SLCO2B1: variants seen among roughly 807,000 people sequenced by gnomAD.
SLCO2B1 encodes solute carrier organic anion transporter family member 2B1, also known as OATP-RP2.
SLCO2B1 carries 41 observed loss-of-function variants against 67.3 expected under a neutral mutation model. That is an observed-to-expected ratio of 0.61 (90% CI 0.47 to 0.79). The LOEUF is 0.79. SLCO2B1 is among the 30% of genes least tolerant of loss of function. The pLI is 0.00. For synonymous variants in SLCO2B1, 379 were observed against 381.4 expected (o/e 0.99, Z 0.07); for missense variants, 837 against 920.1 (o/e 0.91, Z 1.17).
chr11:75,190,232 T>C (rs1944997952), intron 8 of SLCO2B1, among the ~76,000 whole-genome samples: 1 of 152,236 alleles, frequency 6.6e-6, no homozygotes, highest in Non-Finnish European at 1.5e-5. Context: ...CTAGGCCAGA[T>C]TGTCTCTGGT....
Position 75,193,543 on chromosome 11 carries a change from C to A in SLCO2B1, c.1401C>A (p.Ser467Arg). The A allele has an allele frequency of 6.4e-7, 1 of 1,570,356 alleles. No individual in the cohort carries two copies. Among genetic ancestry groups the A allele is most frequent in the South Asian group, 1.2e-5 (1 of 84,008 alleles). ...SLPLFFIGCS[S>R]HQIAGITHQT... The stretch of plus-strand genomic sequence containing the variant: ...CGCTCTTCTTTATCGGCTGCTCCAG[C>A]CACCAGATTGCGGGCATCACACACC... The change falls in exon 9 of 14, where the codon AGC (serine) becomes AGA (arginine). Residue 467 changes from serine (S) to arginine (R), a missense_variant. Coordinates refer to ENST00000289575, the MANE Select transcript of SLCO2B1 (RefSeq NM_007256.5). The surrounding 1 kb of genome is among the most constrained non-coding windows in gnomAD (Gnocchi z 4.2).
intron 7 of SLCO2B1, among the ~76,000 whole-genome samples, chr11:75,178,548 C>T (rs941182358): frequency 6.6e-6 from 1 of 152,092 alleles, no homozygotes; most frequent in African/African-American, 2.4e-5. Context: ...TATGGTGGAA[C>T]ATGATGTTTT....
chr11:75,187,094 T>G (rs563255168), intron 7 of SLCO2B1, among the ~76,000 whole-genome samples: 21 of 152,368 alleles, frequency 1.4e-4, no homozygotes, highest in African/African-American at 5.0e-4. Context: ...TTTTGACTCT[T>G]ATTTCCTTCT....
intron 1 of SLCO2B1, among the ~76,000 whole-genome samples, chr11:75,157,397 A>G (rs1469690370): frequency 6.6e-6 from 1 of 152,166 alleles, no homozygotes; most frequent in Middle Eastern, 3.2e-3. Flanking sequence ...CATCCTCAGG[A>G]GATGCTTTCT....
At chr11:75,192,409 C>T (rs547967788) in intron 8 of SLCO2B1, among the ~76,000 whole-genome samples, 3 of 152,114 alleles carry the variant, frequency 2.0e-5, no homozygotes, top group East Asian at 1.9e-4. Context: ...AGGTATAGTA[C>T]GTTAGGTAGA....
At chr11:75,155,556 C>A (rs947561107) in intron 1 of SLCO2B1, among the ~76,000 whole-genome samples, 2 of 152,244 alleles carry the variant, frequency 1.3e-5, no homozygotes, top group Non-Finnish European at 1.5e-5. Context: ...CTCCCAGATT[C>A]CAGCAATTCT....
At chr11:75,203,024 G>C in intron 12 of SLCO2B1, 59 bp downstream of exon 12, 11 of 1,447,056 alleles carry the variant, frequency 7.6e-6, no homozygotes, top group Non-Finnish European at 9.7e-6. Flanking sequence ...CCCACTGTGT[G>C]CCAGGCCTGG....
chr11:75,179,811 A>G (rs1950072726), intron 7 of SLCO2B1, among the ~76,000 whole-genome samples: 1 of 151,792 alleles, frequency 6.6e-6, no homozygotes, highest in Non-Finnish European at 1.5e-5. Flanking sequence ...ATCTTGGCTC[A>G]CTGCAACCTC....
At chr11:75,195,692 C>T (rs78916217) in intron 9 of SLCO2B1, among the ~76,000 whole-genome samples, 135 of 152,324 alleles carry the variant, frequency 8.9e-4, no homozygotes, top group African/African-American at 3.1e-3. Context: ...ATCCAGCTTC[C>T]GCCTTTGGCC....
chr11:75,201,944 T>G (rs1945189575), intron 11 of SLCO2B1: 1 of 152,194 alleles, frequency 6.6e-6, no homozygotes, highest in African/African-American at 2.4e-5. Context: ...AATCCTGCCT[T>G]GGTCCCTCTG....
At chr11:75,164,772 G>A (rs1331376276) in intron 3 of SLCO2B1, among the ~76,000 whole-genome samples, 3 of 152,154 alleles carry the variant, frequency 2.0e-5, no homozygotes, top group Admixed American at 6.5e-5. Flanking sequence ...ACCCAAGGCC[G>A]TCCAGCTGCA....
At chr11:75,154,733 G>A (rs375507325) in intron 1 of SLCO2B1, among the ~76,000 whole-genome samples, 6 of 152,362 alleles carry the variant, frequency 3.9e-5, no homozygotes, top group African/African-American at 1.4e-4. Context: ...AGCTGGCTCT[G>A]CAGGAAGCCT....
chr11:75,157,779 G>A (rs1344604518), intron 1 of SLCO2B1, among the ~76,000 whole-genome samples: 3 of 152,118 alleles, frequency 2.0e-5, no homozygotes, highest in Non-Finnish European at 4.4e-5. Flanking sequence ...CAGGAGAAAA[G>A]CATACAAATT....
chr11:75,156,417 G>C (rs1279461532), intron 1 of SLCO2B1, among the ~76,000 whole-genome samples: 1 of 152,040 alleles, frequency 6.6e-6, no homozygotes, highest in Non-Finnish European at 1.5e-5. Flanking sequence ...GAGCTTGGCA[G>C]GGGGATCTGC....
chr11:75,155,738 G>A (rs1320110554), intron 1 of SLCO2B1, among the ~76,000 whole-genome samples: 1 of 152,176 alleles, frequency 6.6e-6, no homozygotes, highest in Admixed American at 6.5e-5. Context: ...GATTACAGGT[G>A]TGAGCCACCA....
chr11:75,169,111 C>A (rs528369397), intron 4 of SLCO2B1, 62 bp from the exon 5 acceptor site: 1 of 1,356,678 alleles, frequency 7.4e-7, no homozygotes, highest in Non-Finnish European at 1.0e-6. Flanking sequence ...TACCTTCCCC[C>A]GGGGTAAGCG....
chr11:75,200,472 C>A, intron 11 of SLCO2B1, 85 bp downstream of exon 11: 1 of 1,416,750 alleles, frequency 7.1e-7, no homozygotes, highest in Non-Finnish European at 9.4e-7. Context: ...GGACGGAGTT[C>A]AAGAAAGGAG....
At chr11:75,164,771 C>T (rs931238115) in intron 3 of SLCO2B1, among the ~76,000 whole-genome samples, 6 of 152,174 alleles carry the variant, frequency 3.9e-5, no homozygotes, top group East Asian at 1.9e-4. Flanking sequence ...AACCCAAGGC[C>T]GTCCAGCTGC....
chr11:75,202,549 A>C, intron 11 of SLCO2B1: 1 of 265,908 alleles, frequency 3.8e-6, no homozygotes, highest in Non-Finnish European at 7.2e-6. Flanking sequence ...ATGCTGGGGA[A>C]GTGTCTGACT....
Sources: gnomAD v4.1 joint callset for allele counts (sites outside exome capture counted in the v4.1 genomes callset) on GRCh38, gnomAD v4.1.1 for gene constraint, Gnocchi (gnomAD v3.1) non-coding constraint, MANE v1.5 for transcripts, NCBI Gene and HGNC (gene_info 2026-07-23, HGNC 2026-07-21) for gene names.